CCDC91: variants seen among roughly 807,000 people sequenced by gnomAD.
CCDC91 encodes the protein coiled-coil domain-containing protein 91.
Under a neutral mutation model 63.2 loss-of-function variants are expected in CCDC91, and 48 were observed. The observed-to-expected ratio is 0.76, with a 90% CI of 0.60 to 0.97. CCDC91 has a LOEUF of 0.97. CCDC91 is among the 50% of genes least tolerant of loss of function. CCDC91 has a pLI of 0.00. For synonymous variants in CCDC91, 167 were observed against 165.8 expected (o/e 1.01, Z -0.06); for missense variants, 500 against 494.6 (o/e 1.01, Z -0.10).
intron 1 of CCDC91, among the ~76,000 whole-genome samples, chr12:28,252,973 G>A (rs1330479215): frequency 6.6e-6 from 1 of 152,136 alleles, no homozygotes; most frequent in Admixed American, 6.5e-5. Context: ...AGGAAACTGA[G>A]GCACACAATG....
intron 12 of CCDC91, among the ~76,000 whole-genome samples, chr12:28,521,954 G>C (rs1189516665): frequency 6.6e-6 from 1 of 152,106 alleles, no homozygotes; most frequent in South Asian, 2.1e-4. Context: ...GCTTTTTGAT[G>C]TGCTGCTGGA....
intron 6 of CCDC91, among the ~76,000 whole-genome samples, chr12:28,318,386 G>A (rs10843151): frequency 0.2 from 30,606 of 151,080 alleles, 3,997 homozygotes; most frequent in Non-Finnish European, 0.3. Context: ...ACCAAAAAAC[G>A]AAATTAGCTG....
chr12:28,501,765 A>T (rs1937910873), intron 12 of CCDC91, among the ~76,000 whole-genome samples: 1 of 151,908 alleles, frequency 6.6e-6, no homozygotes, highest in African/African-American at 2.4e-5. Flanking sequence ...TGATTGGAAT[A>T]GTTTCAGAAG....
intron 8 of CCDC91, among the ~76,000 whole-genome samples, chr12:28,417,172 G>C (rs1947713198): frequency 6.6e-6 from 1 of 151,968 alleles, no homozygotes; most frequent in Non-Finnish European, 1.5e-5. Context: ...AAAATGTGTG[G>C]TTATTGGGTT....
At chr12:28,329,391 A>G (rs1347059880) in intron 6 of CCDC91, among the ~76,000 whole-genome samples, 3 of 152,150 alleles carry the variant, frequency 2.0e-5, no homozygotes, top group African/African-American at 7.2e-5. Flanking sequence ...TACAGGATCT[A>G]AAACCTAAAG....
At chr12:28,501,057 T>C (rs1332083251) in intron 12 of CCDC91, among the ~76,000 whole-genome samples, 1 of 151,756 alleles carries the variant, frequency 6.6e-6, no homozygotes, top group African/African-American at 2.4e-5. Flanking sequence ...TATTTAACTA[T>C]AGTGGTTCAT....
chr12:28,274,605 T>C (rs886263937), intron 3 of CCDC91, among the ~76,000 whole-genome samples: 1 of 152,104 alleles, frequency 6.6e-6, no homozygotes, highest in Non-Finnish European at 1.5e-5. Flanking sequence ...TTGAAGCAAT[T>C]GTGAATGGGA....
At chr12:28,533,415 G>C (rs113222392) in intron 12 of CCDC91, among the ~76,000 whole-genome samples, 1 of 151,730 alleles carries the variant, frequency 6.6e-6, no homozygotes, top group African/African-American at 2.4e-5. Context: ...AATAGTTTAC[G>C]TGGCTGTAAA....
intron 1 of CCDC91, among the ~76,000 whole-genome samples, chr12:28,199,778 C>T (rs977705293): frequency 2.0e-4 from 31 of 152,170 alleles, no homozygotes; most frequent in African/African-American, 7.2e-4. Context: ...CTGCCTCTGG[C>T]CTCCGTGGTT....
intron 8 of CCDC91, among the ~76,000 whole-genome samples, chr12:28,401,785 A>G (rs1396554802): frequency 1.3e-5 from 2 of 152,192 alleles, no homozygotes; most frequent in East Asian, 1.9e-4. Flanking sequence ...TTAATGTTGT[A>G]TGTAAGAAAT....
intron 1 of CCDC91, among the ~76,000 whole-genome samples, chr12:28,193,034 ATGCTT>A (rs1941400413): frequency 6.6e-6 from 1 of 152,128 alleles, no homozygotes; most frequent in Non-Finnish European, 1.5e-5. Context: ...CTTTCACTTA[ATGCTT>A]TGATTCATCC....
intron 8 of CCDC91, among the ~76,000 whole-genome samples, chr12:28,433,012 A>T (rs1257261487): frequency 2.6e-5 from 4 of 151,918 alleles, no homozygotes; most frequent in Non-Finnish European, 4.4e-5. Context: ...CCATCTCTGT[A>T]TCTTCTTTGG....
intron 8 of CCDC91, among the ~76,000 whole-genome samples, chr12:28,404,290 T>C (rs1156749541): frequency 6.6e-6 from 1 of 152,050 alleles, no homozygotes; most frequent in African/African-American, 2.4e-5. Context: ...CTGTAAATAT[T>C]GTTGGATTTT....
chr12:28,395,912 C>G (rs1051580743), intron 8 of CCDC91, among the ~76,000 whole-genome samples: 1 of 152,122 alleles, frequency 6.6e-6, no homozygotes, highest in Non-Finnish European at 1.5e-5. Flanking sequence ...ATCACAGTCC[C>G]TCTCTCCTCT....
At chr12:28,536,793 A>G (rs1253735287) in intron 12 of CCDC91, among the ~76,000 whole-genome samples, 1 of 152,134 alleles carries the variant, frequency 6.6e-6, no homozygotes, top group Non-Finnish European at 1.5e-5. Flanking sequence ...CTTTGGTTCT[A>G]CTCATTCTTT....
chr12:28,488,572 A>G (rs919113494), intron 12 of CCDC91, among the ~76,000 whole-genome samples: 11 of 151,526 alleles, frequency 7.3e-5, no homozygotes, highest in African/African-American at 1.9e-4. Context: ...AATCCTGAGG[A>G]AAAAAAAGGA....
chr12:28,263,863 A>G (rs1946988689), intron 3 of CCDC91, among the ~76,000 whole-genome samples: 1 of 151,906 alleles, frequency 6.6e-6, no homozygotes, highest in South Asian at 2.1e-4. Context: ...CTTCTTGATT[A>G]TTTTTAATTC....
intron 6 of CCDC91, among the ~76,000 whole-genome samples, chr12:28,353,142 A>C (rs1006027421): frequency 1.3e-5 from 2 of 152,184 alleles, no homozygotes; most frequent in African/African-American, 2.4e-5. Context: ...CAACATCATG[A>C]ACCAATCTCT....
At chr12:28,442,178 T>C (rs1382586680) in intron 8 of CCDC91, among the ~76,000 whole-genome samples, 1 of 152,130 alleles carries the variant, frequency 6.6e-6, no homozygotes, top group Admixed American at 6.5e-5. Context: ...TACTACTGCC[T>C]GTGTATTCAG....
Sources: gnomAD v4.1 joint callset for allele counts (sites outside exome capture counted in the v4.1 genomes callset) on GRCh38, gnomAD v4.1.1 for gene constraint, MANE v1.5 for transcripts, NCBI Gene and HGNC (gene_info 2026-07-23, HGNC 2026-07-21) for gene names.